Variants in ERCC6 observed in about 807,000 individuals in gnomAD.
The protein encoded by ERCC6 is ERCC excision repair 6, chromatin remodeling factor, also known as DNA excision repair protein ERCC-6.
Under a neutral mutation model 158.7 loss-of-function variants are expected in ERCC6, and 116 were observed. The ratio of observed to expected loss-of-function variants is 0.73; its 90% CI spans 0.63 to 0.85. ERCC6 has a LOEUF of 0.85. ERCC6 is among the 40% of genes least tolerant of loss of function. ERCC6 has a pLI of 0.00. For missense variants in ERCC6, 1,698 were observed against 1,799.4 expected (o/e 0.94, Z 1.02); for synonymous variants, 678 against 659.3 (o/e 1.03, Z -0.43).
chr10:49,435,226 G>A, the ERCC6 span, among the ~76,000 whole-genome samples: 1 of 152,168 alleles, frequency 6.6e-6, no homozygotes, highest in Non-Finnish European at 1.5e-5. Context: ...AAAACTGATA[G>A]ATTTATAAAG....
intron 4 of ERCC6, 36 bp from the exon 5 acceptor site, chr10:49,524,813 T>A (rs771141559): frequency 1.3e-6 from 2 of 1,598,462 alleles, no homozygotes; most frequent in Non-Finnish European, 1.7e-6. Context: ...CGCACTAGCA[T>A]GAAACTTTCC....
chr10:49,537,321 C>T (rs1191427721), intron 1 of ERCC6, among the ~76,000 whole-genome samples: 158 of 137,800 alleles, frequency 1.1e-3, no homozygotes, highest in Non-Finnish European at 4.1e-4. Context: ...CCAGCCTGGG[C>T]GACAGGGCAA....
Position 49,524,370 on chromosome 10 carries a change from G to T in ERCC6, c.1060C>A (p.Pro354Thr). ...GKVGLPKARR[P>T]WESDMRPEAE... ...TCTGGCCTCATGTCTGACTCCCAAG[G>T]TCTCCTTGCCTTTGGCAATCCCACT... The change falls in exon 5 of 21, where the codon CCT becomes ACT. Residue 354 changes from proline (P) to threonine (T), a missense_variant. Transcript: ENST00000355832. The T allele has an allele frequency of 1.2e-6, 2 of 1,614,072 alleles. No individual in the cohort carries two copies. Among genetic ancestry groups the T allele is most frequent in the South Asian group, 2.2e-5 (2 of 91,066 alleles).
the ERCC6 span, among the ~76,000 whole-genome samples, chr10:49,440,172 A>G: frequency 6.6e-6 from 1 of 152,340 alleles, no homozygotes; most frequent in Non-Finnish European, 1.5e-5. Context: ...TCATGCTGCT[A>G]ATAAAGACAT....
chr10:49,482,217 G>A (rs1850992083), intron 10 of ERCC6, among the ~76,000 whole-genome samples: 1 of 152,088 alleles, frequency 6.6e-6, no homozygotes, highest in Non-Finnish European at 1.5e-5. Flanking sequence ...AGGTTAAGGG[G>A]CATGTCTCAT....
rs1308512111 is a variant in ERCC6, at chr10:49,538,461, G to A, written c.-15+501C>T. ...ACAAGAAGATGATGGGAAAAGTTGA[G>A]GAGAAAAGCGAGGGCTGCCTGTCAC... On this transcript the variant is annotated intron_variant, in intron 1 of 20. Transcript: ENST00000355832. 4.6e-5 allele frequency among the ~76,000 whole-genome samples: 7 copies of A among 152,294 alleles called. No individual in the cohort carries two copies. In the East Asian group the frequency reaches 5.8e-4, roughly 13 times the overall value.
At position 49,528,071 on chromosome 10, in the gene ERCC6, G is replaced by A. The variant is rs115312898; in HGVS notation, c.652+346C>T. 5.4e-3 allele frequency among the ~76,000 whole-genome samples: 818 copies of A among 152,320 alleles called. 6 individuals are homozygous for A. Among genetic ancestry groups the A allele is most frequent in the African/African-American group, 0.017 (714 of 41,570 alleles). On this transcript the variant is annotated intron_variant, in intron 4 of 20. Transcript: ENST00000355832. Reference sequence around the variant, plus strand: ...CACGTGAGAGCCATTCTACAAATGCGATTAATGATGTTGGGCTTCCAACAT... The same window carrying A: ...CACGTGAGAGCCATTCTACAAATGCAATTAATGATGTTGGGCTTCCAACAT...
intron 20 of ERCC6, 135 bp downstream of exon 20, chr10:49,460,238 G>T (rs777687695): frequency 2.8e-6 from 2 of 716,054 alleles, no homozygotes; most frequent in Non-Finnish European, 5.1e-6. Flanking sequence ...TCGTAAATCA[G>T]AGCGTGCAAC....
At chr10:49,448,550 T>C in the ERCC6 span, among the ~76,000 whole-genome samples, 1,091 of 152,326 alleles carry the variant, frequency 7.2e-3, 14 homozygotes, top group African/African-American at 0.025. Flanking sequence ...ACCTCAATTT[T>C]ACATTTTCAT....
At chr10:49,488,642 C>CT (rs544182243) in intron 8 of ERCC6, among the ~76,000 whole-genome samples, 1,506 of 136,162 alleles carry the variant, frequency 0.011, 15 homozygotes, top group East Asian at 0.03. Context: ...TGGCCTCTTT[C>CT]TTTTTTTTTT....
At position 49,538,263 on chromosome 10, in the gene ERCC6, G is replaced by C. The variant is rs529699821; in HGVS notation, c.-15+699C>G. 2.6e-5 allele frequency among the ~76,000 whole-genome samples: 4 copies of C among 152,340 alleles called. No individual in the cohort carries two copies. In the South Asian group the frequency reaches 8.3e-4, roughly 32 times the overall value. On this transcript the variant is annotated intron_variant, in intron 1 of 20. Transcript: ENST00000355832. ...GGACACAGGCACAGTTCTGAGAGGG[G>C]ACAGGCAAGGGCCAAATCACACAAG...
intron 5 of ERCC6, among the ~76,000 whole-genome samples, chr10:49,510,776 T>G (rs1851520052): frequency 1.3e-5 from 2 of 152,162 alleles, no homozygotes; most frequent in Admixed American, 1.3e-4. Context: ...CAGAGAAGCG[T>G]GACTTGAAAA....
At chr10:49,531,978 C>T (rs113344615) in intron 2 of ERCC6, among the ~76,000 whole-genome samples, 67 of 152,280 alleles carry the variant, frequency 4.4e-4, no homozygotes, top group African/African-American at 1.5e-3. Flanking sequence ...TCCCCATTAA[C>T]GTGCTATGCT....
chr10:49,513,001 C>T (rs542831046), intron 5 of ERCC6, among the ~76,000 whole-genome samples: 1 of 152,318 alleles, frequency 6.6e-6, no homozygotes, highest in East Asian at 1.9e-4. Flanking sequence ...CACCCTCCTT[C>T]ACGGTTCTCA....
chr10:49,506,222 T>C, intron 5 of ERCC6: 3 of 588,166 alleles, frequency 5.1e-6, no homozygotes, highest in South Asian at 2.1e-5. Flanking sequence ...TAAATTATTA[T>C]AGCTGCTCTA....
Position 49,470,505 on chromosome 10 carries a change from C to T in ERCC6, c.3455G>A (p.Gly1152Asp), listed in dbSNP as rs778394934. The change falls in exon 18 of 21, where the codon GGT becomes GAT. Residue 1152 changes from glycine (G) to aspartate (D), a missense_variant. Transcript: ENST00000355832. ...GGGTCTTTCTCTTTTGTAAGAAAGA[C>T]CTAACTTTTCATCAATGCTTTCATC... ...SGDESIDEKLGLSYKRERPSQ... is the reference protein window; with the variant it reads ...SGDESIDEKLDLSYKRERPSQ... 4 of 1,614,054 alleles carry T rather than the reference C, an allele frequency of 2.5e-6. No homozygotes were observed. The African/African-American group carries it at 5.3e-5, about 22-fold the overall frequency.
chr10:49,470,603 C>T lies in ERCC6; in HGVS notation c.3357G>A (p.Glu1119=), dbSNP rs377615037. The change falls in exon 18 of 21, where the codon GAG becomes GAA. Residue 1119 remains glutamate, a synonymous_variant. Transcript: ENST00000355832. ...EETNAVSGPE[E]LSVISGNGEC... ...CCCCATTTCCACTAATCACTGACAA[C>T]TCTTCTGGTCCAGATACTGCATTTG... is the stretch of plus-strand genomic sequence containing the variant. 1 of 1,613,832 alleles carries T rather than the reference C, an allele frequency of 6.2e-7. No homozygotes were observed. The highest frequency in any genetic ancestry group is 8.5e-7 in the Non-Finnish European group (1 of 1,179,910).
intron 18 of ERCC6, among the ~76,000 whole-genome samples, chr10:49,463,485 G>GT (rs1395852353): frequency 1.3e-5 from 2 of 152,164 alleles, no homozygotes; most frequent in Non-Finnish European, 2.9e-5. Context: ...GATATATGAA[G>GT]TTTTTTTAAA....
chr10:49,533,043 T>C (rs1837511361), intron 1 of ERCC6, 65 bp from the exon 2 acceptor site: 1 of 1,535,118 alleles, frequency 6.5e-7, no homozygotes, highest in Non-Finnish European at 8.8e-7. Flanking sequence ...TTAAATATTT[T>C]ATAATTAGAG....
Sources: allele counts gnomAD v4.1 joint callset (sites outside exome capture counted in the v4.1 genomes callset), GRCh38; gene constraint gnomAD v4.1.1; transcripts MANE v1.5; gene names NCBI Gene and HGNC (gene_info 2026-07-23, HGNC 2026-07-21).